Variants in FAM227B observed in about 807,000 individuals in gnomAD.
The protein encoded by FAM227B is family with sequence similarity 227 member B, also known as protein FAM227B.
FAM227B carries 88 observed loss-of-function variants against 73.8 expected under a neutral mutation model. The observed-to-expected ratio is 1.19, with a 90% CI of 1.00 to 1.42. The LOEUF is 1.42. FAM227B is among the 40% of genes most tolerant of loss of function. The pLI is 0.00. For synonymous variants in FAM227B, 210 were observed against 190.5 expected, an observed-to-expected ratio of 1.10 and a Z score of -0.84; for missense variants, 632 against 590.9, an observed-to-expected ratio of 1.07 and a Z score of -0.72.
intron 11 of FAM227B, among the ~76,000 whole-genome samples, chr15:49,416,517 G>C (rs2049223859): frequency 6.6e-6 from 1 of 151,936 alleles, no homozygotes; most frequent in Non-Finnish European, 1.5e-5. Flanking sequence ...AGAACTATCA[G>C]GCAAGAGAAA....
intron 9 of FAM227B, among the ~76,000 whole-genome samples, chr15:49,559,226 A>G (rs1446529497): frequency 6.6e-6 from 1 of 152,152 alleles, no homozygotes; most frequent in Non-Finnish European, 1.5e-5. Context: ...CTCCCTGCAG[A>G]GTCTTTAGTG....
intron 11 of FAM227B, among the ~76,000 whole-genome samples, chr15:49,447,642 T>G (rs1289052604): frequency 4.0e-5 from 6 of 151,824 alleles, no homozygotes; most frequent in African/African-American, 1.4e-4. Flanking sequence ...AATTGATAGA[T>G]TTCAAAGCTA....
chr15:49,458,813 A>T (rs560223034), intron 11 of FAM227B, among the ~76,000 whole-genome samples: 2 of 152,296 alleles, frequency 1.3e-5, no homozygotes, highest in East Asian at 3.9e-4. Flanking sequence ...ACAAAAAATA[A>T]GTCTTGCAGA....
At chr15:49,472,020 GAA>G (rs35262082) in intron 11 of FAM227B, among the ~76,000 whole-genome samples, 37,839 of 144,024 alleles carry the variant, frequency 0.26, 5,612 homozygotes, top group Non-Finnish European at 0.35. Flanking sequence ...CTTTAGAAGT[GAA>G]AAAAAAAAAA....
At chr15:49,574,021 T>G (rs2075289311) in intron 8 of FAM227B, among the ~76,000 whole-genome samples, 1 of 152,146 alleles carries the variant, frequency 6.6e-6, no homozygotes, top group Non-Finnish European at 1.5e-5. Context: ...CATTATAAAA[T>G]TACTTTCTTT....
At chr15:49,532,955 T>A (rs1172497691) in intron 10 of FAM227B, among the ~76,000 whole-genome samples, 2 of 152,014 alleles carry the variant, frequency 1.3e-5, no homozygotes, top group East Asian at 3.8e-4. Flanking sequence ...GAAAGGCTCG[T>A]GTGACTAAAA....
chr15:49,420,295 C>T (rs950717096), intron 11 of FAM227B, among the ~76,000 whole-genome samples: 10 of 151,946 alleles, frequency 6.6e-5, no homozygotes, highest in African/African-American at 2.2e-4. Flanking sequence ...TAGGAGGCTG[C>T]TCAAATACAC....
At chr15:49,620,267 T>C (rs1167916250) in intron 1 of FAM227B, 1 of 152,250 alleles carries the variant, frequency 6.6e-6, no homozygotes, top group East Asian at 1.9e-4. Flanking sequence ...TAACATGCTT[T>C]ACTTGATATC....
At chr15:49,489,286 C>A in intron 11 of FAM227B, 1 of 984,788 alleles carries the variant, frequency 1.0e-6, no homozygotes. Context: ...AAGAGTAATT[C>A]ATGGCTTTCA....
chr15:49,502,354 G>C (rs1365332530), intron 11 of FAM227B, among the ~76,000 whole-genome samples: 2 of 152,214 alleles, frequency 1.3e-5, no homozygotes, highest in African/African-American at 4.8e-5. Context: ...AAAGCCACAG[G>C]GGTGAAGCTG....
intron 11 of FAM227B, among the ~76,000 whole-genome samples, chr15:49,401,015 T>G (rs2151630445): frequency 6.6e-6 from 1 of 152,232 alleles, no homozygotes; most frequent in South Asian, 2.1e-4. Context: ...CTAATTAAAC[T>G]AAAGAGCTTC....
In FAM227B at chr15:49,492,883, A is replaced by G. The variant is rs117537468; in HGVS notation, c.1012+15328T>C. Among the ~76,000 whole-genome samples the G allele has an allele frequency of 4.4e-3, 663 of 152,050 alleles. 4 individuals carry two copies. The highest frequency in any genetic ancestry group is 7.0e-3 in the Non-Finnish European group (474 of 67,836). The stretch of plus-strand genomic sequence containing the variant: ...TGTTGGTGCAGCATTGATGTATTAA[A>G]TAGCATGGTCTTCTACATAAATGAT... On this transcript the variant is annotated intron_variant, in intron 11 of 15. Coordinates refer to ENST00000299338, the MANE Select transcript of FAM227B (RefSeq NM_152647.3).
At chr15:49,417,646 C>T (rs2049310237) in intron 11 of FAM227B, among the ~76,000 whole-genome samples, 1 of 152,150 alleles carries the variant, frequency 6.6e-6, no homozygotes, top group Non-Finnish European at 1.5e-5. Context: ...GGACCCCTTC[C>T]TTGCACCACG....
chr15:49,371,758 T>TG, intron 11 of FAM227B, among the ~76,000 whole-genome samples: 2 of 149,202 alleles, frequency 1.3e-5, no homozygotes, highest in African/African-American at 2.4e-5. Flanking sequence ...CACTTATAAA[T>TG]AAATGAAATA....
chr15:49,393,155 G>C (rs754721366), intron 11 of FAM227B, among the ~76,000 whole-genome samples: 3 of 152,186 alleles, frequency 2.0e-5, no homozygotes, highest in Non-Finnish European at 2.9e-5. Context: ...TGGTGAGTGA[G>C]GTCAGTGTAT....
chr15:49,565,577 A>T, intron 9 of FAM227B, among the ~76,000 whole-genome samples: 1 of 152,124 alleles, frequency 6.6e-6, no homozygotes, highest in Middle Eastern at 3.2e-3. Context: ...ATAATCACAC[A>T]TTAAGCCCAT....
In FAM227B at chr15:49,397,472, C is replaced by T. The variant is rs865811546; in HGVS notation, c.1013-26073G>A. On this transcript the variant is annotated intron_variant, in intron 11 of 15. Transcript: ENST00000299338. ...TCCCCAATCTAGCAAGGCAGGCCAA[C>T]GTTCAGATTCAGGAAATACAGAGAA... Among the ~76,000 whole-genome samples the T allele has an allele frequency of 7.9e-5, 12 of 151,978 alleles. No individual in the cohort carries two copies. In the South Asian group the frequency reaches 8.3e-4, roughly 11 times the overall value.
chr15:49,595,362 TTCTAGGTATATAATCATA>T (rs898377942), intron 3 of FAM227B, among the ~76,000 whole-genome samples: 35 of 152,136 alleles, frequency 2.3e-4, no homozygotes, highest in African/African-American at 8.4e-4. Context: ...CTTTATCATC[TTCTAGGTATATAATCATA>T]TCAACAGTGA....
chr15:49,432,019 C>T (rs1041537581), intron 11 of FAM227B, among the ~76,000 whole-genome samples: 1 of 151,482 alleles, frequency 6.6e-6, no homozygotes, highest in Non-Finnish European at 1.5e-5. Flanking sequence ...TGATTTTGTG[C>T]CGAAAACTGT....
Sources: gnomAD v4.1 joint callset for allele counts (sites outside exome capture counted in the v4.1 genomes callset) on GRCh38, gnomAD v4.1.1 for gene constraint, MANE v1.5 for transcripts, NCBI Gene and HGNC (gene_info 2026-07-23, HGNC 2026-07-21) for gene names.